Variants in PRKAR2A observed in about 807,000 individuals in gnomAD.
PRKAR2A encodes cAMP-dependent protein kinase type II-alpha regulatory subunit.
In PRKAR2A, 29 loss-of-function variants were observed where a neutral mutation model predicts 51.9. That is an observed-to-expected ratio of 0.56 (90% CI 0.42 to 0.76). The LOEUF is 0.76. PRKAR2A is among the 30% of genes least tolerant of loss of function. The probability of loss-of-function intolerance (pLI) is 0.00; values close to 1 mark genes in which losing one functional copy is unlikely to be tolerated. For synonymous variants in PRKAR2A, 178 were observed against 186.2 expected (o/e 0.96, Z 0.36); for missense variants, 445 against 512.1 (o/e 0.87, Z 1.26).
rs548027175 is a variant in PRKAR2A, at chr3:48,786,568, C to T, written c.436-3476G>A. On this transcript the variant is annotated intron_variant, in intron 4 of 10. Coordinates refer to ENST00000265563, the MANE Select transcript of PRKAR2A (RefSeq NM_004157.4). Reference sequence around the variant, plus strand: ...ATCCCAGCACTTTGGGAGGCAGAGGCGGGCGAATCACGAGGTCAGGAGATC... The same window carrying T: ...ATCCCAGCACTTTGGGAGGCAGAGGTGGGCGAATCACGAGGTCAGGAGATC... 2.6e-3 allele frequency among the ~76,000 whole-genome samples: 386 copies of T among 148,904 alleles called. 3 individuals are homozygous for T. The highest frequency in any genetic ancestry group is 8.8e-3 in the African/African-American group (362 of 40,994).
chr3:48,782,469 T>C (rs2082215324), intron 5 of PRKAR2A, among the ~76,000 whole-genome samples: 1 of 151,944 alleles, frequency 6.6e-6, no homozygotes, highest in African/African-American at 2.4e-5. Flanking sequence ...AGTCTTGCTC[T>C]GTTGTCCAGG....
chr3:48,794,521 C>A (rs1016060671), intron 2 of PRKAR2A, among the ~76,000 whole-genome samples: 3 of 151,760 alleles, frequency 2.0e-5, no homozygotes, highest in Non-Finnish European at 2.9e-5. Context: ...ATGGTGAAAC[C>A]CCATCTCTAC....
chr3:48,797,052 A>T (rs912461933), intron 2 of PRKAR2A, among the ~76,000 whole-genome samples: 22 of 152,148 alleles, frequency 1.4e-4, no homozygotes, highest in Admixed American at 7.9e-4. Flanking sequence ...TTAACAGGCA[A>T]CAAACAGTTC....
intron 1 of PRKAR2A, among the ~76,000 whole-genome samples, chr3:48,837,554 G>T (rs2083304779): frequency 6.6e-6 from 1 of 152,122 alleles, no homozygotes; most frequent in Admixed American, 6.6e-5. Context: ...TCCTCAAAAG[G>T]TTAAACAGAG....
At chr3:48,824,061 C>T (rs370555370) in intron 1 of PRKAR2A, among the ~76,000 whole-genome samples, 15 of 151,894 alleles carry the variant, frequency 9.9e-5, no homozygotes, top group South Asian at 8.3e-4. Flanking sequence ...GCCAACATGG[C>T]GAAACCCTGT....
At chr3:48,807,711 T>G in intron 1 of PRKAR2A, 27 bp from the exon 2 acceptor site, 1 of 1,594,770 alleles carries the variant, frequency 6.3e-7, no homozygotes, top group Non-Finnish European at 8.6e-7. Context: ...CAACATTTAG[T>G]CATTATTATG....
At chr3:48,807,475 AC>A (rs1165615894) in intron 2 of PRKAR2A, among the ~76,000 whole-genome samples, 173 bp downstream of exon 2, 2 of 152,250 alleles carry the variant, frequency 1.3e-5, no homozygotes, top group Admixed American at 6.5e-5. Flanking sequence ...TAAAATACGT[AC>A]ATACATACTC....
chr3:48,831,936 G>T (rs942361467), intron 1 of PRKAR2A, among the ~76,000 whole-genome samples: 3 of 151,990 alleles, frequency 2.0e-5, no homozygotes, highest in African/African-American at 7.2e-5. Flanking sequence ...ATCTTCATCC[G>T]AATTTCTACA....
At chr3:48,745,527 G>GT (rs34668049), downstream of PRKAR2A, among the ~76,000 whole-genome samples, 4,624 of 69,990 alleles carry the variant, frequency 0.066, 270 homozygotes, top group African/African-American at 0.18. Flanking sequence ...TTTGGATAAG[G>GT]TTTTTTTTTT....
chr3:48,844,573 A>T (rs1180903254), intron 1 of PRKAR2A, among the ~76,000 whole-genome samples: 9 of 150,730 alleles, frequency 6.0e-5, no homozygotes, highest in Non-Finnish European at 1.0e-4. Context: ...AATAGCAAAG[A>T]CTTGGAACCA....
chr3:48,806,263 C>G (rs1356923117), intron 2 of PRKAR2A, among the ~76,000 whole-genome samples: 2 of 152,054 alleles, frequency 1.3e-5, no homozygotes, highest in African/African-American at 4.8e-5. Context: ...CTATAATAGG[C>G]CAGATGACAA....
intron 4 of PRKAR2A, 81 bp from the exon 5 acceptor site, chr3:48,783,173 G>A: frequency 2.2e-6 from 2 of 916,026 alleles, no homozygotes; most frequent in Non-Finnish European, 3.5e-6. Flanking sequence ...CTCAATTTGT[G>A]ACTATGTAAC....
intron 2 of PRKAR2A, among the ~76,000 whole-genome samples, chr3:48,797,003 T>C (rs1006065882): frequency 2.6e-5 from 4 of 152,184 alleles, no homozygotes; most frequent in African/African-American, 4.8e-5. Context: ...AGTTCACTCA[T>C]AGGCCCTGTA....
At chr3:48,757,499 T>C (rs963214985) in intron 8 of PRKAR2A, among the ~76,000 whole-genome samples, 1 of 152,254 alleles carries the variant, frequency 6.6e-6, no homozygotes, top group Non-Finnish European at 1.5e-5. Context: ...AATGGAATCA[T>C]ATATTTTTTG....
intron 1 of PRKAR2A, among the ~76,000 whole-genome samples, chr3:48,833,484 G>C (rs2083228418): frequency 6.6e-6 from 1 of 151,904 alleles, no homozygotes; most frequent in Non-Finnish European, 1.5e-5. Context: ...GAGGCGGGTG[G>C]ATCACCTGAG....
At chr3:48,759,870 A>AT (rs1343334320) in intron 8 of PRKAR2A, among the ~76,000 whole-genome samples, 1 of 152,192 alleles carries the variant, frequency 6.6e-6, no homozygotes, top group Non-Finnish European at 1.5e-5. Flanking sequence ...ACATTCCACC[A>AT]TAAGAATGAC....
At chr3:48,811,207 G>A (rs1374325811) in intron 1 of PRKAR2A, among the ~76,000 whole-genome samples, 2 of 151,996 alleles carry the variant, frequency 1.3e-5, no homozygotes, top group East Asian at 3.8e-4. Context: ...AAAAAAATGG[G>A]GCAGGTGTAG....
intron 5 of PRKAR2A, among the ~76,000 whole-genome samples, chr3:48,778,028 T>A (rs551389331): frequency 2.1e-4 from 32 of 152,340 alleles, no homozygotes; most frequent in Middle Eastern, 3.4e-3. Flanking sequence ...ATCCTCTATA[T>A]AATGGGGCAT....
At chr3:48,762,374 T>C (rs2081876622) in intron 8 of PRKAR2A, among the ~76,000 whole-genome samples, 1 of 152,208 alleles carries the variant, frequency 6.6e-6, no homozygotes, top group African/African-American at 2.4e-5. Flanking sequence ...CAGTTTGTTA[T>C]GAAGTTAAAA....
Sources: gnomAD v4.1 joint callset for allele counts (sites outside exome capture counted in the v4.1 genomes callset) on GRCh38, gnomAD v4.1.1 for gene constraint, MANE v1.5 for transcripts, NCBI Gene and HGNC (gene_info 2026-07-23, HGNC 2026-07-21) for gene names.